BUB3: variants seen among roughly 807,000 people sequenced by gnomAD.
BUB3 encodes BUB3 mitotic checkpoint protein.
Under a neutral mutation model 39.9 loss-of-function variants are expected in BUB3, and 22 were observed. That is an observed-to-expected ratio of 0.55 (90% CI 0.39 to 0.79). The LOEUF (loss-of-function observed/expected upper bound fraction) is 0.79. Among genes scored for constraint, BUB3 ranks in the 30% least tolerant of loss-of-function variants. The probability of loss-of-function intolerance (pLI) is 0.00; values close to 1 mark genes in which losing one functional copy is unlikely to be tolerated. For missense variants in BUB3, 303 were observed against 415.4 expected (o/e 0.73, Z 2.35); for synonymous variants, 168 against 155.1 (o/e 1.08, Z -0.62).
At position 123,164,980 on chromosome 10, in the gene BUB3, A is replaced by G; in HGVS notation, c.*1145A>G. On this transcript the variant is annotated 3_prime_UTR_variant, in exon 8 of 8. Transcript: ENST00000368865. ...TACAGAGAAGGGTCTTTTTTTTTTT[A>G]AGTATTTCAGTGAAAACTTGGTGTA... 1 of 1,511,192 alleles carries G rather than the reference A, an allele frequency of 6.6e-7. No homozygotes were observed. The highest frequency in any genetic ancestry group is 8.9e-7 in the Non-Finnish European group (1 of 1,124,836). 93.6% of individuals were successfully genotyped at this position (1,511,192 alleles called of 1,614,324 possible).
At chr10:123,161,860 T>G (rs1844427864) in intron 5 of BUB3, among the ~76,000 whole-genome samples, 1 of 152,186 alleles carries the variant, frequency 6.6e-6, no homozygotes. Flanking sequence ...TTCTTAACAG[T>G]TGTTCGCGAT....
In BUB3 at chr10:123,164,983, T is replaced by G. The variant is rs1452526329; in HGVS notation, c.*1148T>G. On this transcript the variant is annotated 3_prime_UTR_variant, in exon 8 of 8. Coordinates refer to ENST00000368865, the MANE Select transcript of BUB3 (RefSeq NM_004725.4). ...AGAGAAGGGTCTTTTTTTTTTTAAG[T>G]ATTTCAGTGAAAACTTGGTGTAAGT... 1 of 1,567,708 alleles carries G rather than the reference T, an allele frequency of 6.4e-7. No homozygotes were observed. The highest frequency in any genetic ancestry group is 8.6e-7 in the Non-Finnish European group (1 of 1,161,552).
At position 123,164,752 on chromosome 10, in the gene BUB3, A is replaced by G. The variant is rs906365512; in HGVS notation, c.*917A>G. The G allele has an allele frequency of 1.6e-4, 179 of 1,128,662 alleles. No individual in the cohort carries two copies. Among genetic ancestry groups the G allele is most frequent in the Non-Finnish European group, 1.8e-4 (166 of 922,612 alleles). 69.9% of individuals were successfully genotyped at this position (1,128,662 alleles called of 1,614,324 possible). ...GATTAAAGTTAAAAAGAAAAAAATT[A>G]TAGTGAGAATGAGATTCATTTCAAT... On this transcript the variant is annotated 3_prime_UTR_variant, in exon 8 of 8. Coordinates refer to ENST00000368865, the MANE Select transcript of BUB3 (RefSeq NM_004725.4).
rs1844521809 is a variant in BUB3 at position 123,168,944 on chromosome 10, A to T, written c.*5109A>T. The T allele has an allele frequency of 6.6e-6, 1 of 152,308 alleles. No homozygotes were observed. Among genetic ancestry groups the T allele is most frequent in the Non-Finnish European group, 1.5e-5 (1 of 68,130 alleles). The allele number at this position is 152,308 out of a possible 1,614,324, so 9.4% of individuals were successfully genotyped here. A position where few individuals can be genotyped will look rare whatever the true frequency, so the allele number is the denominator to read the frequency against. On this transcript the variant is annotated 3_prime_UTR_variant, in exon 8 of 8. Transcript: ENST00000368865. ...TCTTCCAGTGTGGACCAGGAAAGCC[A>T]AAAGATTGGACACCCCTGCCCTAGA...
At chr10:123,163,213 A>C (rs1383027461) in intron 7 of BUB3, 1 of 202,510 alleles carries the variant, frequency 4.9e-6, no homozygotes, top group African/African-American at 2.4e-5. Flanking sequence ...TCCTCTCCAC[A>C]GAGGTTGTTT....
intron 5 of BUB3, 144 bp downstream of exon 5, chr10:123,160,709 A>G (rs1844410505): frequency 6.2e-6 from 5 of 805,772 alleles, no homozygotes; most frequent in Admixed American, 3.8e-5. Flanking sequence ...TTCTTCCTTG[A>G]TATTTTTGAC....
In BUB3 at chr10:123,164,900, T is replaced by A; in HGVS notation, c.*1065T>A. The A allele has an allele frequency of 7.0e-7, 1 of 1,432,812 alleles. No individual in the cohort carries two copies. Among genetic ancestry groups the A allele is most frequent in the East Asian group, 2.5e-5 (1 of 40,128 alleles). The allele number at this position is 1,432,812 out of a possible 1,614,324, so 88.8% of individuals were successfully genotyped here. A position where few individuals can be genotyped will look rare whatever the true frequency, so the allele number is the denominator to read the frequency against. On this transcript the variant is annotated 3_prime_UTR_variant, in exon 8 of 8. Coordinates refer to ENST00000368865, the MANE Select transcript of BUB3 (RefSeq NM_004725.4). ...CAAATGTATGTCTCTGAGTAGGACT[T>A]GGACCTTTCCTGAGATTTATTTTAT...
At position 123,164,989 on chromosome 10, in the gene BUB3, A is replaced by G. The variant is rs1040533623; in HGVS notation, c.*1154A>G. ...GGGTCTTTTTTTTTTTAAGTATTTCAGTGAAAACTTGGTGTAAGTCTGAAC... is the reference window on the plus strand; with the variant it reads ...GGGTCTTTTTTTTTTTAAGTATTTCGGTGAAAACTTGGTGTAAGTCTGAAC... On this transcript the variant is annotated 3_prime_UTR_variant, in exon 8 of 8. Transcript: ENST00000368865. 1.9e-6 allele frequency: 3 copies of G among 1,567,758 alleles called. No individual in the cohort carries two copies. Among genetic ancestry groups the G allele is most frequent in the African/African-American group, 2.7e-5 (2 of 72,736 alleles).
chr10:123,159,613 A>G (rs577641946), intron 4 of BUB3, among the ~76,000 whole-genome samples: 154 of 152,362 alleles, frequency 1.0e-3, no homozygotes, highest in African/African-American at 3.6e-3. Context: ...CTTGTAGGAA[A>G]TTCTATGGTT....
chr10:123,162,102 A>G (rs746688661), intron 5 of BUB3, 134 bp from the exon 6 acceptor site: 5 of 790,780 alleles, frequency 6.3e-6, no homozygotes, highest in Non-Finnish European at 1.0e-5. Flanking sequence ...TACAGCCTAA[A>G]CACTTCATTA....
intron 1 of BUB3, 75 bp from the exon 2 acceptor site, chr10:123,154,843 A>AC (rs1844326228): frequency 1.4e-6 from 2 of 1,478,658 alleles, no homozygotes; most frequent in African/African-American, 1.4e-5. Context: ...CTCTGGGGGG[A>AC]CCCCCAGTGC....
At chr10:123,159,143 C>G (rs1223910375) in intron 4 of BUB3, among the ~76,000 whole-genome samples, 3 of 152,090 alleles carry the variant, frequency 2.0e-5, no homozygotes, top group Admixed American at 6.5e-5. Context: ...ACATTTATAT[C>G]TGCTTATATT....
chr10:123,165,397 A>G lies in BUB3; in HGVS notation c.*1562A>G. ...ATGTTTTTGAATGTTGGTAATTAATATAATTTACTTAAAAAGGCTTGTGTA... is the reference window on the plus strand; with the variant it reads ...ATGTTTTTGAATGTTGGTAATTAATGTAATTTACTTAAAAAGGCTTGTGTA... On this transcript the variant is annotated 3_prime_UTR_variant, in exon 8 of 8. Coordinates refer to ENST00000368865, the MANE Select transcript of BUB3 (RefSeq NM_004725.4). The G allele has an allele frequency of 9.2e-6, 2 of 216,716 alleles. No individual in the cohort carries two copies. The highest frequency in any genetic ancestry group is 1.8e-5 in the Non-Finnish European group (2 of 110,092). 13.4% of individuals were successfully genotyped at this position (216,716 alleles called of 1,614,324 possible).
chr10:123,166,085 T>TACCCCTTAACCAGCTCTCCAC lies in BUB3; in HGVS notation c.*2252_*2272dup, dbSNP rs1185928999. The TACCCCTTAACCAGCTCTCCAC allele has an allele frequency of 1.3e-5, 2 of 152,314 alleles. No individual in the cohort carries two copies. Among genetic ancestry groups the TACCCCTTAACCAGCTCTCCAC allele is most frequent in the Admixed American group, 6.5e-5 (1 of 15,302 alleles). The allele number at this position is 152,314 out of a possible 1,614,324, so 9.4% of individuals were successfully genotyped here. ...AGTGTGCCTCCCTGCCATCTCTACA[T>TACCCCTTAACCAGCTCTCCAC]ACCCCTTAACCAGCTCTCCACAATT... On this transcript the variant is annotated 3_prime_UTR_variant, in exon 8 of 8. Transcript: ENST00000368865.
At chr10:123,162,929 A>G (rs1844444948) in intron 7 of BUB3, 101 bp downstream of exon 7, 2 of 1,101,642 alleles carry the variant, frequency 1.8e-6, no homozygotes, top group Non-Finnish European at 2.7e-6. Context: ...CCTGCTCGAT[A>G]TTACAGCTGA....
rs765846209 is a variant in BUB3, at chr10:123,160,550, G to A, written c.561G>A (p.Ala187=). ...SLKYQTRCIR[A]FPNKQGYVLS... ...AATACCAGACTCGCTGCATACGAGC[G>A]TTTCCAAACAAGCAGGTATTGAACT... The change falls in exon 5 of 8, where the codon GCG becomes GCA. Residue 187 remains alanine (A), a synonymous_variant. Coordinates refer to ENST00000368865, the MANE Select transcript of BUB3 (RefSeq NM_004725.4). 16 of 1,598,486 alleles carry A rather than the reference G, an allele frequency of 1.0e-5. No individual in the cohort carries two copies. Among genetic ancestry groups the A allele is most frequent in the Admixed American group, 1.8e-5 (1 of 55,594 alleles).
At position 123,157,856 on chromosome 10, in the gene BUB3, T is replaced by C; in HGVS notation, c.393T>C (p.Ala131=). ...GGGATCCCAGAACTCCTTGTAATGC[T>C]GGGACCTTCTCTCAGCCTGAAAAGG... ...KLWDPRTPCN[A]GTFSQPEKVY... The change falls in exon 4 of 8, where the codon GCT becomes GCC. Residue 131 remains alanine, a synonymous_variant. Transcript: ENST00000368865. 1.2e-6 allele frequency: 2 copies of C among 1,613,588 alleles called. No individual in the cohort carries two copies. The highest frequency in any genetic ancestry group is 1.7e-6 in the Non-Finnish European group (2 of 1,179,866).
At position 123,165,003 on chromosome 10, in the gene BUB3, G is replaced by A. The variant is rs1564784870; in HGVS notation, c.*1168G>A. 4 of 1,595,364 alleles carry A rather than the reference G, an allele frequency of 2.5e-6. No individual in the cohort carries two copies. The highest frequency in any genetic ancestry group is 3.5e-5 in the Admixed American group (2 of 56,724). ...TTAAGTATTTCAGTGAAAACTTGGTGTAAGTCTGAACCCATCTTTTGAAAT... is the reference window on the plus strand; with the variant it reads ...TTAAGTATTTCAGTGAAAACTTGGTATAAGTCTGAACCCATCTTTTGAAAT... On this transcript the variant is annotated 3_prime_UTR_variant, in exon 8 of 8. Transcript: ENST00000368865.
intron 4 of BUB3, among the ~76,000 whole-genome samples, chr10:123,159,068 T>C (rs1377518252): frequency 6.6e-6 from 1 of 152,232 alleles, no homozygotes; most frequent in Non-Finnish European, 1.5e-5. Flanking sequence ...TTATACATCT[T>C]AATTTTCATT....
Sources: allele counts gnomAD v4.1 joint callset (sites outside exome capture counted in the v4.1 genomes callset), GRCh38; gene constraint gnomAD v4.1.1; transcripts MANE v1.5; gene names NCBI Gene and HGNC (gene_info 2026-07-23, HGNC 2026-07-21).